The following C2orf49 variants were observed in gnomAD, a reference collection of about 807,000 sequenced individuals.
C2orf49 encodes tRNA splicing ligase complex subunit 2.
C2orf49 carries 11 observed loss-of-function variants against 20.6 expected under a neutral mutation model. That is an observed-to-expected ratio of 0.53 (90% CI 0.34 to 0.88). C2orf49 has a LOEUF of 0.88. Ranked by LOEUF, C2orf49 falls within the 40% of genes least tolerant of loss-of-function variation. The pLI is 0.02. For missense variants in C2orf49, 289 were observed against 274.2 expected, an observed-to-expected ratio of 1.05 and a Z score of -0.38; for synonymous variants, 134 against 108.5, an observed-to-expected ratio of 1.24 and a Z score of -1.46.
intron 3 of C2orf49, among the ~76,000 whole-genome samples, chr2:105,344,449 A>G (rs1355536856): frequency 6.6e-6 from 1 of 152,056 alleles, no homozygotes; most frequent in Non-Finnish European, 1.5e-5. Flanking sequence ...TGAGATATAT[A>G]TATATATAGA....
At chr2:105,377,397 G>A in the C2orf49 span, among the ~76,000 whole-genome samples, 4 of 152,176 alleles carry the variant, frequency 2.6e-5, no homozygotes, top group African/African-American at 9.7e-5. Context: ...TTGGGAGGCC[G>A]AGGCAGGCGG....
intron 3 of C2orf49, 119 bp from the exon 4 acceptor site, chr2:105,345,196 T>C: frequency 1.2e-6 from 1 of 820,382 alleles, no homozygotes; most frequent in Non-Finnish European, 2.0e-6. Flanking sequence ...TCCCACCAGA[T>C]GGCAGCAGTG....
rs1411720799 is a variant in C2orf49 at position 105,347,810 on chromosome 2, T to C, written c.*2439T>C. On this transcript the variant is annotated 3_prime_UTR_variant, in exon 4 of 4. Coordinates refer to ENST00000258457, the MANE Select transcript of C2orf49 (RefSeq NM_024093.3). The stretch of plus-strand genomic sequence containing the variant: ...AAAGGTTAGAAGAACTTGATATGTA[T>C]GGCAAACAACTTTAGAATACTAGTT... The C allele has an allele frequency of 6.6e-6, 1 of 152,212 alleles. No homozygotes were observed. The highest frequency in any genetic ancestry group is 2.4e-5 in the African/African-American group (1 of 41,444). 9.4% of individuals were successfully genotyped at this position (152,212 alleles called of 1,614,324 possible). A position where few individuals can be genotyped will look rare whatever the true frequency, so the allele number is the denominator to read the frequency against.
the C2orf49 span, among the ~76,000 whole-genome samples, chr2:105,371,655 A>C: frequency 6.6e-6 from 1 of 152,112 alleles, no homozygotes; most frequent in African/African-American, 2.4e-5. Flanking sequence ...CAGAAAGTCA[A>C]GACAGGTGAA....
the C2orf49 span, among the ~76,000 whole-genome samples, chr2:105,384,665 G>A: frequency 2.6e-5 from 4 of 152,136 alleles, no homozygotes; most frequent in Non-Finnish European, 5.9e-5. Context: ...GCACCACCAC[G>A]CCCAGCTAAT....
chr2:105,352,429 G>GTTTTTTTTTTTTTTTTTTTTGGTTT (rs1679956384), downstream of C2orf49, among the ~76,000 whole-genome samples: 2 of 80,764 alleles, frequency 2.5e-5, no homozygotes, highest in Non-Finnish European at 4.3e-5. Context: ...GTTTGTTTGG[G>GTTTTTTTTTTTTTTTTTTTTGGTTT]TTTTTTTTTT....
the C2orf49 span, among the ~76,000 whole-genome samples, chr2:105,368,222 A>G: frequency 6.6e-6 from 1 of 152,232 alleles, no homozygotes; most frequent in Non-Finnish European, 1.5e-5. Flanking sequence ...AACCTGATTC[A>G]GTGAGCAGCC....
the C2orf49 span, among the ~76,000 whole-genome samples, chr2:105,380,910 C>T: frequency 1.3e-5 from 2 of 152,190 alleles, no homozygotes; most frequent in Non-Finnish European, 2.9e-5. Flanking sequence ...CACTTCCTTT[C>T]TGGTTTTGTA....
the C2orf49 span, chr2:105,360,365 CT>C: frequency 1.0e-3 from 144 of 139,680 alleles, no homozygotes; most frequent in African/African-American, 1.2e-3. Context: ...TGACTGAAGG[CT>C]TTTTTTTTTT....
At chr2:105,376,478 A>T in the C2orf49 span, 1 of 152,258 alleles carries the variant, frequency 6.6e-6, no homozygotes, top group Non-Finnish European at 1.5e-5. Context: ...ACAAATCATT[A>T]GAAGCCCTAT....
the C2orf49 span, among the ~76,000 whole-genome samples, chr2:105,354,798 G>A: frequency 3.3e-5 from 5 of 152,200 alleles, no homozygotes; most frequent in South Asian, 1.0e-3. Context: ...AAATAGATGT[G>A]ATCAACGTAA....
chr2:105,368,750 C>T, the C2orf49 span, among the ~76,000 whole-genome samples: 11 of 152,196 alleles, frequency 7.2e-5, no homozygotes, highest in East Asian at 3.9e-4. Flanking sequence ...TTTATAGTAA[C>T]GGATGATTCC....
intron 3 of C2orf49, 84 bp downstream of exon 3, chr2:105,343,307 T>G: frequency 2.2e-6 from 3 of 1,367,182 alleles, no homozygotes; most frequent in South Asian, 2.9e-5. Flanking sequence ...GTGGGTCGAC[T>G]GTGCTACATT....
the C2orf49 span, chr2:105,361,387 T>C: frequency 6.2e-7 from 1 of 1,614,128 alleles, no homozygotes; most frequent in Non-Finnish European, 8.5e-7. Flanking sequence ...AAGCAGTCGT[T>C]ATGCCACTGC....
intron 2 of C2orf49, among the ~76,000 whole-genome samples, chr2:105,342,349 C>G (rs1038625789): frequency 6.6e-6 from 1 of 152,190 alleles, no homozygotes; most frequent in African/African-American, 2.4e-5. Flanking sequence ...TGAACTTGTA[C>G]AAATGTCCAG....
the C2orf49 span, chr2:105,358,146 CCCTT>C: frequency 6.6e-6 from 1 of 152,274 alleles, no homozygotes; most frequent in African/African-American, 2.4e-5. Flanking sequence ...AGTTACCAGC[CCCTT>C]CCTTAATGGC....
chr2:105,350,271 A>G (rs1272399921), downstream of C2orf49, among the ~76,000 whole-genome samples: 2 of 152,210 alleles, frequency 1.3e-5, no homozygotes, highest in African/African-American at 4.8e-5. Context: ...AGGACAAAAC[A>G]TGAAAGCCCT....
chr2:105,366,380 C>T, the C2orf49 span, among the ~76,000 whole-genome samples: 1 of 152,140 alleles, frequency 6.6e-6, no homozygotes, highest in Non-Finnish European at 1.5e-5. Context: ...AGGGTAGAGG[C>T]CCCAAGGGCA....
Position 105,347,638 on chromosome 2 carries a change from C to T in C2orf49, c.*2267C>T, listed in dbSNP as rs956984535. The T allele has an allele frequency of 6.6e-6, 1 of 152,170 alleles. No homozygotes were observed. The highest frequency in any genetic ancestry group is 2.4e-5 in the African/African-American group (1 of 41,448). The allele number at this position is 152,170 out of a possible 1,614,324, so 9.4% of individuals were successfully genotyped here. On this transcript the variant is annotated 3_prime_UTR_variant, in exon 4 of 4. Transcript: ENST00000258457. ...TGTACTATGTGTTAACATAATCCCA[C>T]CTTCTTAGAGCTTTGTTCCTTCTGA...
Sources: gnomAD v4.1 joint callset for allele counts (sites outside exome capture counted in the v4.1 genomes callset) on GRCh38, gnomAD v4.1.1 for gene constraint, MANE v1.5 for transcripts, NCBI Gene and HGNC (gene_info 2026-07-23, HGNC 2026-07-21) for gene names.